The following ZNF423 variants were observed in gnomAD, a reference collection of about 807,000 sequenced individuals.
ZNF423 encodes zinc finger protein 423.
Under a neutral mutation model 95.8 loss-of-function variants are expected in ZNF423, and 12 were observed. The observed-to-expected ratio is 0.13, with a 90% CI of 0.08 to 0.20. ZNF423 has a LOEUF of 0.20. Ranked by LOEUF, ZNF423 falls within the 10% of genes least tolerant of loss-of-function variation. ZNF423 has a pLI of 1.00. For synonymous variants in ZNF423, 749 were observed against 711.9 expected (o/e 1.05, Z -0.83); for missense variants, 1,316 against 1,737.1 (o/e 0.76, Z 4.31).
At chr16:49,842,200 T>C in intron 1 of ZNF423, among the ~76,000 whole-genome samples, 1 of 140,280 alleles carries the variant, frequency 7.1e-6, no homozygotes, top group Non-Finnish European at 1.5e-5. Flanking sequence ...ATCGTGGCAC[T>C]GCACTCCAGC....
chr16:49,740,700 G>A (rs1056078375), intron 2 of ZNF423, among the ~76,000 whole-genome samples: 13 of 152,308 alleles, frequency 8.5e-5, no homozygotes, highest in Admixed American at 2.0e-4. Context: ...GCCAAGGTCC[G>A]TCAGAGACAT....
intron 5 of ZNF423, among the ~76,000 whole-genome samples, chr16:49,595,720 A>G (rs1280049755): frequency 1.3e-5 from 2 of 152,258 alleles, no homozygotes; most frequent in Admixed American, 6.5e-5. Flanking sequence ...TTCCTGGAAA[A>G]TAAAAATATC....
chr16:49,587,071 G>A (rs550462184), intron 5 of ZNF423, among the ~76,000 whole-genome samples: 6 of 152,134 alleles, frequency 3.9e-5, no homozygotes, highest in African/African-American at 7.2e-5. Context: ...GCACAAACTC[G>A]CTGTCACAAA....
intron 7 of ZNF423, among the ~76,000 whole-genome samples, chr16:49,515,627 G>A (rs543923612): frequency 2.0e-5 from 3 of 152,336 alleles, no homozygotes; most frequent in South Asian, 4.1e-4. Flanking sequence ...AGCCTGGCCC[G>A]CAGCACAGAC....
chr16:49,518,227 C>T (rs9940153), intron 7 of ZNF423: 9,865 of 380,184 alleles, frequency 0.026, 907 homozygotes, highest in African/African-American at 0.19. Flanking sequence ...GCATAGGTCC[C>T]CCATTATTTT....
At chr16:49,507,476 G>A (rs564020849) in intron 7 of ZNF423, among the ~76,000 whole-genome samples, 22 of 130,346 alleles carry the variant, frequency 1.7e-4, no homozygotes, top group Non-Finnish European at 2.8e-4. Flanking sequence ...GCAAAGATGA[G>A]GAAACAAAGA....
At chr16:49,851,333 C>T (rs532951190) in intron 1 of ZNF423, among the ~76,000 whole-genome samples, 1 of 152,334 alleles carries the variant, frequency 6.6e-6, no homozygotes, top group East Asian at 1.9e-4. Context: ...CCATCAGCCT[C>T]AGTGGTAGGT....
At chr16:49,508,411 T>A (rs1377321004) in intron 7 of ZNF423, among the ~76,000 whole-genome samples, 1 of 149,174 alleles carries the variant, frequency 6.7e-6, no homozygotes, top group Non-Finnish European at 1.5e-5. Context: ...TCCCAGCTAC[T>A]CAGGAGGCTG....
At chr16:49,770,215 T>C (rs956331156) in intron 2 of ZNF423, among the ~76,000 whole-genome samples, 5 of 151,844 alleles carry the variant, frequency 3.3e-5, no homozygotes, top group Admixed American at 2.0e-4. Flanking sequence ...AATGAATGAA[T>C]GAATGAATGG....
chr16:49,502,503 G>A (rs1157735690), intron 7 of ZNF423, among the ~76,000 whole-genome samples: 5 of 151,976 alleles, frequency 3.3e-5, no homozygotes, highest in African/African-American at 9.7e-5. Flanking sequence ...GGCTCAACAC[G>A]GCTGTCTCGG....
Position 49,566,792 on chromosome 16 carries a change from G to A in ZNF423, c.3602-41298C>T, listed in dbSNP as rs73580525. On this transcript the variant is annotated intron_variant, in intron 5 of 7. Transcript: ENST00000563137. ...AGCGCGGGGAGGTGGTGGCAGCCTC[G>A]AGCTTCACCCCAGAAGTTAGAGAAG... Among the ~76,000 whole-genome samples, 1,204 of 152,210 alleles carry A rather than the reference G, an allele frequency of 7.9e-3. 17 individuals carry two copies. Among genetic ancestry groups the A allele is most frequent in the African/African-American group, 0.028 (1,154 of 41,546 alleles).
At chr16:49,541,556 T>C (rs1409020125) in intron 5 of ZNF423, among the ~76,000 whole-genome samples, 1 of 152,224 alleles carries the variant, frequency 6.6e-6, no homozygotes, top group East Asian at 1.9e-4. Context: ...TATGTTTTTC[T>C]TATTTTTGCT....
chr16:49,586,568 A>G (rs1180574774), intron 5 of ZNF423, among the ~76,000 whole-genome samples: 1 of 152,242 alleles, frequency 6.6e-6, no homozygotes, highest in Non-Finnish European at 1.5e-5. Flanking sequence ...AAATTAGAGC[A>G]TTACCTGGTC....
intron 7 of ZNF423, among the ~76,000 whole-genome samples, chr16:49,501,692 C>A (rs1251399467): frequency 6.6e-6 from 1 of 151,866 alleles, no homozygotes; most frequent in Non-Finnish European, 1.5e-5. Context: ...GAATATTATG[C>A]ATCCATAAAA....
upstream of ZNF423, among the ~76,000 whole-genome samples, chr16:49,858,886 G>C (rs925186334): frequency 1.3e-5 from 2 of 152,136 alleles, no homozygotes; most frequent in Non-Finnish European, 2.9e-5. This position sits in a 1 kb window ranked among gnomAD's most constrained non-coding sequence, Gnocchi z 4.3. Context: ...ATCGAGGCCC[G>C]CGGAGAGTGG....
intron 1 of ZNF423, among the ~76,000 whole-genome samples, chr16:49,827,933 T>A (rs912031011): frequency 5.9e-5 from 9 of 152,202 alleles, no homozygotes; most frequent in African/African-American, 2.2e-4. Context: ...CTTACACATT[T>A]ATTAAAGCAG....
chr16:49,784,610 AT>A (rs1228155121), intron 2 of ZNF423, among the ~76,000 whole-genome samples: 1 of 152,230 alleles, frequency 6.6e-6, no homozygotes, highest in Non-Finnish European at 1.5e-5. Flanking sequence ...TATGTATTAT[AT>A]GACTCCACTG....
chr16:49,553,399 T>G (rs1202661346), intron 5 of ZNF423, among the ~76,000 whole-genome samples: 1 of 152,154 alleles, frequency 6.6e-6, no homozygotes, highest in East Asian at 1.9e-4. Flanking sequence ...TAGGCTGGAG[T>G]GCAATAATGC....
At chr16:49,493,980 A>C (rs945543213) in intron 7 of ZNF423, among the ~76,000 whole-genome samples, 5 of 152,158 alleles carry the variant, frequency 3.3e-5, no homozygotes, top group African/African-American at 1.2e-4. Context: ...CAAAATCCCC[A>C]AGGACCACCC....
Sources: gnomAD v4.1 joint callset for allele counts (sites outside exome capture counted in the v4.1 genomes callset) on GRCh38, gnomAD v4.1.1 for gene constraint, Gnocchi (gnomAD v3.1) non-coding constraint, MANE v1.5 for transcripts, NCBI Gene and HGNC (gene_info 2026-07-23, HGNC 2026-07-21) for gene names.